OR1I1: variants seen among roughly 807,000 people sequenced by gnomAD.
OR1I1 encodes the protein olfactory receptor family 1 subfamily I member 1.
For synonymous variants in OR1I1, 171 were observed against 181.4 expected (o/e 0.94, Z 0.46); for missense variants, 451 against 443.6 (o/e 1.02, Z -0.15).
rs920276720 is a variant in OR1I1, at chr19:15,090,776, G to A, written c.*2643G>A. On this transcript the variant is annotated 3_prime_UTR_variant, in exon 2 of 2. Coordinates refer to ENST00000641398, the MANE Select transcript of OR1I1 (RefSeq NM_001004713.2). ...GCAATCAGCTATATATATTTGTAGA[G>A]ACAGGGTCTCACTATGTTGCCCAGG... 3 of 152,122 alleles carry A rather than the reference G, an allele frequency of 2.0e-5. No homozygotes were observed. The highest frequency in any genetic ancestry group is 7.2e-5 in the African/African-American group (3 of 41,398). The allele number at this position is 152,122 out of a possible 1,614,324, so 9.4% of individuals were successfully genotyped here.
chr19:15,085,158 A>ATTTTTT lies in OR1I1; in HGVS notation c.-13-1894_-13-1893insTTTTTT, dbSNP rs1568321856. Among the ~76,000 whole-genome samples the ATTTTTT allele has an allele frequency of 5.5e-5, 2 of 36,236 alleles. 1 individual carries two copies. Among genetic ancestry groups the ATTTTTT allele is most frequent in the African/African-American group, 4.1e-4 (2 of 4,828 alleles). The allele number at this position is 36,236 out of a possible 152,430, so 23.8% of individuals were successfully genotyped here. A position where few individuals can be genotyped will look rare whatever the true frequency, so the allele number is the denominator to read the frequency against. On this transcript the variant is annotated intron_variant, in intron 1 of 1. Transcript: ENST00000641398. ...TATATATATATATATATATATATAT[A>ATTTTTT]TATATATATATATATATATTTTTTT...
chr19:15,091,786 C>T lies in OR1I1; in HGVS notation c.*3653C>T, dbSNP rs1032149173. On this transcript the variant is annotated 3_prime_UTR_variant, in exon 2 of 2. Transcript: ENST00000641398. The stretch of plus-strand genomic sequence containing the variant: ...CGGAGTTTGCGTGAGCCGAGATCGC[C>T]CCACTGCACTCCAGCCTGGGTGACA... 4.0e-5 allele frequency: 6 copies of T among 149,154 alleles called. No individual in the cohort carries two copies. The highest frequency in any genetic ancestry group is 1.5e-4 in the African/African-American group (6 of 40,400). The allele number at this position is 149,154 out of a possible 1,614,324, so 9.2% of individuals were successfully genotyped here.
chr19:15,086,023 AGAG>A (rs1486371703), intron 1 of OR1I1, among the ~76,000 whole-genome samples: 1 of 152,076 alleles, frequency 6.6e-6, no homozygotes, highest in Non-Finnish European at 1.5e-5. Flanking sequence ...AGGAAAGAAA[AGAG>A]GGAGATGGCC....
chr19:15,084,614 G>C (rs1289314883), intron 1 of OR1I1, among the ~76,000 whole-genome samples: 1 of 152,036 alleles, frequency 6.6e-6, no homozygotes, highest in African/African-American at 2.4e-5. Context: ...GCTAATGCAT[G>C]CTGGGCTTAA....
At position 15,088,771 on chromosome 19, in the gene OR1I1, A is replaced by C. The variant is rs2046242919; in HGVS notation, c.*638A>C. ...GGTAGATAGGGTGGATAGATAAGAT[A>C]TGTAGATAGATAGATAGATAGATAG... On this transcript the variant is annotated 3_prime_UTR_variant, in exon 2 of 2. Coordinates refer to ENST00000641398, the MANE Select transcript of OR1I1 (RefSeq NM_001004713.2). The C allele has an allele frequency of 9.3e-6, 1 of 107,848 alleles. No individual in the cohort carries two copies. The highest frequency in any genetic ancestry group is 3.5e-5 in the African/African-American group (1 of 28,226). The allele number at this position is 107,848 out of a possible 1,614,324, so 6.7% of individuals were successfully genotyped here. A position where few individuals can be genotyped will look rare whatever the true frequency, so the allele number is the denominator to read the frequency against.
rs867819708 is a variant in OR1I1, at chr19:15,087,926, C to T, written c.861C>T (p.Pro287=). ...MCGVFIPMLN[P]FIYSIRNKDM... Reference sequence around the variant, plus strand: ...GGGTGTTCATCCCCATGCTCAACCCCTTTATCTACAGCATACGGAACAAGG... The same window carrying T: ...GGGTGTTCATCCCCATGCTCAACCCTTTTATCTACAGCATACGGAACAAGG... The change falls in exon 2 of 2, where the codon CCC becomes CCT. Residue 287 remains proline (P), a synonymous_variant. Transcript: ENST00000641398. 6.2e-7 allele frequency: 1 copy of T among 1,614,042 alleles called. No homozygotes were observed.
chr19:15,087,065 C>T lies in OR1I1; in HGVS notation c.-1C>T, dbSNP rs2046232458. On this transcript the variant is annotated 5_prime_UTR_variant, in exon 2 of 2. Transcript: ENST00000641398. ...TTGTTCCCACTAGTCACAGACCATA[C>T]ATGGAACCAGAAAAGCAAACCGAAA... The T allele has an allele frequency of 6.2e-7, 1 of 1,607,496 alleles. No homozygotes were observed. Among genetic ancestry groups the T allele is most frequent in the Non-Finnish European group, 8.5e-7 (1 of 1,176,348 alleles).
At position 15,092,821 on chromosome 19, in the gene OR1I1, C is replaced by T. The variant is rs907953771; in HGVS notation, c.*4688C>T. Reference sequence around the variant, plus strand: ...GACTGGAGTGGGCAACATAGTGAGACCTCCCCCATCTCTACAAAAATTTTT... The same window carrying T: ...GACTGGAGTGGGCAACATAGTGAGATCTCCCCCATCTCTACAAAAATTTTT... On this transcript the variant is annotated 3_prime_UTR_variant, in exon 2 of 2. Coordinates refer to ENST00000641398, the MANE Select transcript of OR1I1 (RefSeq NM_001004713.2). 1 of 151,928 alleles carries T rather than the reference C, an allele frequency of 6.6e-6. No individual in the cohort carries two copies. Among genetic ancestry groups the T allele is most frequent in the Non-Finnish European group, 1.5e-5 (1 of 68,014 alleles). 9.4% of individuals were successfully genotyped at this position (151,928 alleles called of 1,614,324 possible). A position where few individuals can be genotyped will look rare whatever the true frequency, so the allele number is the denominator to read the frequency against.
chr19:15,086,860 G>A (rs1373639977), intron 1 of OR1I1, 193 bp from the exon 2 acceptor site: 4 of 771,810 alleles, frequency 5.2e-6, no homozygotes, highest in South Asian at 4.4e-5. Context: ...GACTGTCTCA[G>A]GCATGAATGA....
At chr19:15,083,060 GC>G (rs2046215821) in intron 1 of OR1I1, among the ~76,000 whole-genome samples, 2 of 151,864 alleles carry the variant, frequency 1.3e-5, no homozygotes, top group South Asian at 4.2e-4. Context: ...TCCTACCTTG[GC>G]CCCCCAAGCA....
chr19:15,086,998 T>C lies in OR1I1; in HGVS notation c.-13-55T>C, dbSNP rs142914255. On this transcript the variant is annotated intron_variant, in intron 1 of 1. Transcript: ENST00000641398. ...TTTCCGTGGGAAGCTGGGACCAGAATGGCATCTCTGACACCTGGCTCTGTG... is the reference window on the plus strand; with the variant it reads ...TTTCCGTGGGAAGCTGGGACCAGAACGGCATCTCTGACACCTGGCTCTGTG... 2.7e-4 allele frequency: 418 copies of C among 1,529,676 alleles called. 2 individuals carry two copies. In the African/African-American group the frequency reaches 4.8e-3, roughly 17 times the overall value. 94.8% of individuals were successfully genotyped at this position (1,529,676 alleles called of 1,614,324 possible). A position where few individuals can be genotyped will look rare whatever the true frequency, so the allele number is the denominator to read the frequency against.
At position 15,088,773 on chromosome 19, in the gene OR1I1, G is replaced by GTAAT. The variant is rs71168567; in HGVS notation, c.*642_*643insATTA. The GTAAT allele has an allele frequency of 6.8e-6, 1 of 147,194 alleles. No individual in the cohort carries two copies. The highest frequency in any genetic ancestry group is 1.5e-5 in the Non-Finnish European group (1 of 67,268). The allele number at this position is 147,194 out of a possible 1,614,324, so 9.1% of individuals were successfully genotyped here. A position where few individuals can be genotyped will look rare whatever the true frequency, so the allele number is the denominator to read the frequency against. Reference sequence around the variant, plus strand: ...TAGATAGGGTGGATAGATAAGATATGTAGATAGATAGATAGATAGATAGAT... The same window carrying GTAAT: ...TAGATAGGGTGGATAGATAAGATATGTAATTAGATAGATAGATAGATAGATAGAT... On this transcript the variant is annotated 3_prime_UTR_variant, in exon 2 of 2. Coordinates refer to ENST00000641398, the MANE Select transcript of OR1I1 (RefSeq NM_001004713.2).
chr19:15,088,802 T>TAGATAGATAGATAGATAGATAGACAGAC lies in OR1I1; in HGVS notation c.*690_*691insGACAGACAGATAGATAGATAGATAGATA, dbSNP rs1353218645. The TAGATAGATAGATAGATAGATAGACAGAC allele has an allele frequency of 9.8e-5, 13 of 132,164 alleles. No homozygotes were observed. Among genetic ancestry groups the TAGATAGATAGATAGATAGATAGACAGAC allele is most frequent in the South Asian group, 5.3e-4 (2 of 3,796 alleles). The allele number at this position is 132,164 out of a possible 1,614,324, so 8.2% of individuals were successfully genotyped here. On this transcript the variant is annotated 3_prime_UTR_variant, in exon 2 of 2. Transcript: ENST00000641398. ...ATAGATAGATAGATAGATAGATAGATAGATAGATAGATAGATAGATATACA... is the reference window on the plus strand; with the variant it reads ...ATAGATAGATAGATAGATAGATAGATAGATAGATAGATAGATAGATAGACAGACAGATAGATAGATAGATAGATATACA...
In OR1I1 at chr19:15,088,115, G is replaced by A. The variant is rs751591000; in HGVS notation, c.1050G>A (p.Gly350=). The part of the protein sequence containing the change: ...PYPGGVQSLA[G]NRDME Reference sequence around the variant, plus strand: ...CTGGAGGAGTTCAGAGTCTAGCTGGGAACAGAGACATGGAATAAATCCTTC... The same window carrying A: ...CTGGAGGAGTTCAGAGTCTAGCTGGAAACAGAGACATGGAATAAATCCTTC... Residue 350 remains glycine (G), a synonymous_variant, in exon 2 of 2, where the codon GGG becomes GGA. Coordinates refer to ENST00000641398, the MANE Select transcript of OR1I1 (RefSeq NM_001004713.2). 5 of 1,555,900 alleles carry A rather than the reference G, an allele frequency of 3.2e-6. No homozygotes were observed. The African/African-American group carries it at 6.8e-5, about 21-fold the overall frequency.
In OR1I1 at chr19:15,092,549, T is replaced by A. The variant is rs1599313472; in HGVS notation, c.*4416T>A. Reference sequence around the variant, plus strand: ...GCAATGACTGAACTCTGCTGCTGTCTGGCGAAAGCAGCCATAGATGAGACA... The same window carrying A: ...GCAATGACTGAACTCTGCTGCTGTCAGGCGAAAGCAGCCATAGATGAGACA... On this transcript the variant is annotated 3_prime_UTR_variant, in exon 2 of 2. Coordinates refer to ENST00000641398, the MANE Select transcript of OR1I1 (RefSeq NM_001004713.2). 6.6e-6 allele frequency: 1 copy of A among 152,334 alleles called. No homozygotes were observed. Among genetic ancestry groups the A allele is most frequent in the South Asian group, 2.1e-4 (1 of 4,822 alleles). 9.4% of individuals were successfully genotyped at this position (152,334 alleles called of 1,614,324 possible).
intron 1 of OR1I1, among the ~76,000 whole-genome samples, chr19:15,085,164 A>G (rs74182247): frequency 6.4e-5 from 2 of 31,330 alleles, no homozygotes; most frequent in Non-Finnish European, 1.2e-4. Flanking sequence ...ATATATATAT[A>G]TATATATATA....
intron 1 of OR1I1, among the ~76,000 whole-genome samples, chr19:15,084,970 T>C (rs2046222330): frequency 6.6e-6 from 1 of 151,268 alleles, no homozygotes; most frequent in South Asian, 2.1e-4. Flanking sequence ...GGTGACAGAG[T>C]GAGACCCTGT....
rs563343826 is a variant in OR1I1, at chr19:15,091,322, G to C, written c.*3189G>C. 6.6e-6 allele frequency: 1 copy of C among 151,930 alleles called. No homozygotes were observed. Among genetic ancestry groups the C allele is most frequent in the Non-Finnish European group, 1.5e-5 (1 of 68,004 alleles). The allele number at this position is 151,930 out of a possible 1,614,324, so 9.4% of individuals were successfully genotyped here. A position where few individuals can be genotyped will look rare whatever the true frequency, so the allele number is the denominator to read the frequency against. On this transcript the variant is annotated 3_prime_UTR_variant, in exon 2 of 2. Coordinates refer to ENST00000641398, the MANE Select transcript of OR1I1 (RefSeq NM_001004713.2). ...GGGCAGATCACAAGGTCAGTAGATCGAGACCATCCTGACCAACATGGTGAA... is the reference window on the plus strand; with the variant it reads ...GGGCAGATCACAAGGTCAGTAGATCCAGACCATCCTGACCAACATGGTGAA...
At position 15,089,599 on chromosome 19, in the gene OR1I1, G is replaced by C. The variant is rs2046248766; in HGVS notation, c.*1466G>C. The C allele has an allele frequency of 6.6e-6, 1 of 152,162 alleles. No individual in the cohort carries two copies. The highest frequency in any genetic ancestry group is 2.4e-5 in the African/African-American group (1 of 41,434). 9.4% of individuals were successfully genotyped at this position (152,162 alleles called of 1,614,324 possible). A position where few individuals can be genotyped will look rare whatever the true frequency, so the allele number is the denominator to read the frequency against. ...GGCACTTTGGGAGGTTGAGTAGGGA[G>C]AATCATTTGAAGCTAGGAGTTCAGG... is the stretch of plus-strand genomic sequence containing the variant. On this transcript the variant is annotated 3_prime_UTR_variant, in exon 2 of 2. Coordinates refer to ENST00000641398, the MANE Select transcript of OR1I1 (RefSeq NM_001004713.2).
Sources: allele counts gnomAD v4.1 joint callset (sites outside exome capture counted in the v4.1 genomes callset), GRCh38; gene constraint gnomAD v4.1.1; transcripts MANE v1.5; gene names NCBI Gene and HGNC (gene_info 2026-07-23, HGNC 2026-07-21).